Variants in MED13 observed in about 807,000 individuals in gnomAD.
MED13 encodes mediator of RNA polymerase II transcription subunit 13.
A neutral mutation model predicts 225.2 loss-of-function variants in MED13; 23 were observed. The ratio of observed to expected loss-of-function variants is 0.10; its 90% CI spans 0.07 to 0.14. The LOEUF is 0.14. Ranked by LOEUF, MED13 falls within the 10% of genes least tolerant of loss-of-function variation. The pLI, the probability that MED13 is intolerant of heterozygous loss-of-function variation, is 1.00. For synonymous variants in MED13, 942 were observed against 889.2 expected, an observed-to-expected ratio of 1.06 and a Z score of -1.06; for missense variants, 2,197 against 2,594.5, an observed-to-expected ratio of 0.85 and a Z score of 3.33.
At chr17:61,975,499 T>G (rs1056997142) in intron 16 of MED13, among the ~76,000 whole-genome samples, 3 of 152,210 alleles carry the variant, frequency 2.0e-5, no homozygotes, top group African/African-American at 4.8e-5. Context: ...AACCCTCATA[T>G]ATTGCTGGTA....
In MED13 at chr17:61,955,393, T is replaced by C; in HGVS notation, c.5957A>G (p.Asn1986Ser). The C allele has an allele frequency of 1.9e-6, 3 of 1,548,012 alleles. No individual in the cohort carries two copies. Among genetic ancestry groups the C allele is most frequent in the Non-Finnish European group, 2.6e-6 (3 of 1,153,400 alleles). The change falls in exon 26 of 30, where the codon AAT becomes AGT. Residue 1986 changes from asparagine to serine, a missense_variant. By Grantham distance (46) the Asn-to-Ser change is conservative. Around this residue, in one of 12 missense-constraint regions of MED13, gnomAD observed 216 missense variants for 388.9 expected, o/e 0.56. Transcript: ENST00000397786. ...YTTENLDLAFNPNNDGADGMG... is the reference protein window; with the variant it reads ...YTTENLDLAFSPNNDGADGMG... ...AACAAATTACGTACCATTGTTGGGA[T>C]TGAAAGCTAAATCCAAATTTTCAGT... is the stretch of plus-strand genomic sequence containing the variant.
At chr17:62,005,180 C>T (rs1055945311) in intron 9 of MED13, 2 of 152,322 alleles carry the variant, frequency 1.3e-5, no homozygotes, top group African/African-American at 4.8e-5. Flanking sequence ...AGGCGTGACC[C>T]ACCACGCCCA....
chr17:61,953,491 A>G (rs1450242952), intron 26 of MED13, among the ~76,000 whole-genome samples: 1 of 152,184 alleles, frequency 6.6e-6, no homozygotes, highest in Non-Finnish European at 1.5e-5. Context: ...GTAGGGTTAG[A>G]GCCAGTGAAG....
At chr17:62,064,171 T>C (rs939276209) in intron 1 of MED13, among the ~76,000 whole-genome samples, 2 of 152,248 alleles carry the variant, frequency 1.3e-5, no homozygotes, top group South Asian at 4.1e-4. Flanking sequence ...TCATATACTC[T>C]TAATATTTCT....
chr17:62,031,686 G>C (rs760862968), intron 5 of MED13, 48 bp from the exon 6 acceptor site: 1 of 1,304,110 alleles, frequency 7.7e-7, no homozygotes, highest in South Asian at 1.9e-5. Context: ...TTTGTGACTA[G>C]TGAATTAGTT....
rs148046403 is a variant in MED13, at chr17:62,032,335, G to A, written c.815-697C>T. The A allele has an allele frequency of 8.8e-3, 1,340 of 151,966 alleles. 12 individuals carry two copies. Among genetic ancestry groups the A allele is most frequent in the Non-Finnish European group, 0.014 (972 of 67,990 alleles). 9.4% of individuals were successfully genotyped at this position (151,966 alleles called of 1,614,324 possible). ...CTAAAAATACAAAATTTAGCTGGGCGTGGTGGCAGGCACCTGTAATCCCAG... is the reference window on the plus strand; with the variant it reads ...CTAAAAATACAAAATTTAGCTGGGCATGGTGGCAGGCACCTGTAATCCCAG... On this transcript the variant is annotated intron_variant, in intron 5 of 29. Coordinates refer to ENST00000397786, the MANE Select transcript of MED13 (RefSeq NM_005121.3).
intron 28 of MED13, among the ~76,000 whole-genome samples, chr17:61,948,225 A>G (rs2079866788): frequency 6.6e-6 from 1 of 152,212 alleles, no homozygotes; most frequent in Non-Finnish European, 1.5e-5. Context: ...GAAAAAAAAA[A>G]GTGAACAAAA....
intron 8 of MED13, among the ~76,000 whole-genome samples, chr17:62,022,807 C>T (rs768846100): frequency 6.6e-6 from 1 of 152,036 alleles, no homozygotes; most frequent in Admixed American, 6.5e-5. Context: ...CCCAGGAGTT[C>T]AAGACCAGCC....
chr17:62,043,702 A>T (rs2080875128), intron 3 of MED13, among the ~76,000 whole-genome samples: 1 of 152,216 alleles, frequency 6.6e-6, no homozygotes, highest in African/African-American at 2.4e-5. Flanking sequence ...CCAAACTGAG[A>T]TATACTCTAA....
At chr17:62,024,262 C>A (rs1603404284) in intron 8 of MED13, among the ~76,000 whole-genome samples, 2 of 152,216 alleles carry the variant, frequency 1.3e-5, no homozygotes, top group South Asian at 4.1e-4. Flanking sequence ...ACGTGATCCA[C>A]CTGCCTCAGC....
At chr17:61,967,555 C>T (rs534379328) in intron 18 of MED13, among the ~76,000 whole-genome samples, 11 of 152,014 alleles carry the variant, frequency 7.2e-5, no homozygotes, top group Admixed American at 1.3e-4. Context: ...ACAATTATTG[C>T]GCCTGGTGAT....
chr17:62,004,455 C>A (rs539368403), intron 9 of MED13: 1 of 152,292 alleles, frequency 6.6e-6, no homozygotes, highest in South Asian at 2.1e-4. Context: ...AACTTTTGAG[C>A]AGCACTGAAT....
intron 16 of MED13, among the ~76,000 whole-genome samples, chr17:61,978,609 C>T (rs1056269745): frequency 6.6e-6 from 1 of 152,046 alleles, no homozygotes; most frequent in South Asian, 2.1e-4. Context: ...TTTAAGAAAT[C>T]AAGGCACAGA....
intron 16 of MED13, among the ~76,000 whole-genome samples, chr17:61,980,203 A>C (rs1312605775): frequency 6.6e-6 from 1 of 151,866 alleles, no homozygotes; most frequent in Non-Finnish European, 1.5e-5. Flanking sequence ...AAAAACAAAC[A>C]AACAAAAATT....
intron 11 of MED13, among the ~76,000 whole-genome samples, chr17:61,988,732 T>C (rs2080269476): frequency 6.6e-6 from 1 of 151,858 alleles, no homozygotes; most frequent in East Asian, 1.9e-4. Context: ...TCCGAGTTTT[T>C]TCGTTTTTTT....
At chr17:62,015,938 ATATATATATATATATATTTTTTTT>A (rs1567979722) in intron 8 of MED13, among the ~76,000 whole-genome samples, 18 of 9,010 alleles carry the variant, frequency 2.0e-3, no homozygotes, top group African/African-American at 3.0e-3. Context: ...ATATATATAT[ATATATATATATATATATTTTTTTT>A]TTTTTTTTTT....
chr17:62,062,843 G>A (rs995944021), intron 2 of MED13, among the ~76,000 whole-genome samples: 5 of 152,030 alleles, frequency 3.3e-5, no homozygotes, highest in Non-Finnish European at 5.9e-5. Context: ...GAAGAGAGGT[G>A]GTGGAAGGAG....
chr17:61,949,111 G>C (rs1287413299), intron 28 of MED13, among the ~76,000 whole-genome samples: 1 of 151,832 alleles, frequency 6.6e-6, no homozygotes, highest in Admixed American at 6.6e-5. Context: ...GAATAAGTGA[G>C]TCACATCTAA....
rs73334653 is a variant in MED13 at position 61,948,059 on chromosome 17, C to T, written c.6292-1042G>A. ...TATGGAGTTATAAGCAAGTCTCACA[C>T]TGCAAATCACTACAAATTTTTAAAA... On this transcript the variant is annotated intron_variant, in intron 28 of 29. Transcript: ENST00000397786. Among the ~76,000 whole-genome samples, 981 of 152,280 alleles carry T rather than the reference C, an allele frequency of 6.4e-3. 10 individuals carry two copies. The highest frequency in any genetic ancestry group is 0.022 in the African/African-American group (927 of 41,550).
Sources: gnomAD v4.1 joint callset for allele counts (sites outside exome capture counted in the v4.1 genomes callset) on GRCh38, gnomAD v4.1.1 for gene constraint, gnomAD v4.1.1 regional missense constraint, MANE v1.5 for transcripts, NCBI Gene and HGNC (gene_info 2026-07-23, HGNC 2026-07-21) for gene names.